Variants in LANCL2 observed in about 807,000 individuals in gnomAD.
LANCL2 encodes the protein LanC like glutathione S-transferase 2.
In LANCL2, 33 loss-of-function variants were observed where a neutral mutation model predicts 56.9. The ratio of observed to expected loss-of-function variants is 0.58; its 90% CI spans 0.44 to 0.78. LANCL2 has a LOEUF of 0.78. Among genes scored for constraint, LANCL2 ranks in the 30% least tolerant of loss-of-function variants. LANCL2 has a pLI of 0.00. For missense variants in LANCL2, 562 were observed against 580.2 expected (o/e 0.97, Z 0.32); for synonymous variants, 233 against 228.2 (o/e 1.02, Z -0.19).
At position 55,380,758 on chromosome 7, in the gene LANCL2, G is replaced by A. The variant is rs142826274; in HGVS notation, c.205-11035G>A. On this transcript the variant is annotated intron_variant, in intron 1 of 8. Coordinates refer to ENST00000254770, the MANE Select transcript of LANCL2 (RefSeq NM_018697.4). ...GGTTCTGTAGAGCGTGTTACAGTGC[G>A]TGATTGGAGAAGGAGGGAGGTTCTG... Among the ~76,000 whole-genome samples the A allele has an allele frequency of 3.2e-3, 485 of 151,684 alleles. 2 individuals are homozygous for A. Among genetic ancestry groups the A allele is most frequent in the African/African-American group, 0.011 (469 of 41,360 alleles).
chr7:55,430,311 A>G (rs1463249568), intron 8 of LANCL2, among the ~76,000 whole-genome samples: 1 of 152,242 alleles, frequency 6.6e-6, no homozygotes, highest in African/African-American at 2.4e-5. Context: ...GGGGCCAACT[A>G]TGAACAGGCA....
At position 55,412,015 on chromosome 7, in the gene LANCL2, A is replaced by G. The variant is rs1790476041; in HGVS notation, c.934A>G (p.Asn312Asp). 1.2e-6 allele frequency: 2 copies of G among 1,614,124 alleles called. No individual in the cohort carries two copies. Among genetic ancestry groups the G allele is most frequent in the South Asian group, 1.1e-5 (1 of 91,090 alleles). ...TGGGAATTACCCATCATCATTAAGC[A>G]ATGAAACAGACCGGCTGGTGCACTG... is the stretch of plus-strand genomic sequence containing the variant. ...RSGNYPSSLS[N>D]ETDRLVHWCH... The change falls in exon 6 of 9, where the codon AAT (asparagine) becomes GAT (aspartate). Residue 312 changes from asparagine to aspartate, a missense_variant. This residue lies in a region of LANCL2 where 378 missense variants were observed against 468.4 expected (regional missense o/e 0.81). Transcript: ENST00000254770.
intron 4 of LANCL2, 27 bp downstream of exon 4, chr7:55,400,131 G>T: frequency 2.6e-6 from 4 of 1,534,558 alleles, no homozygotes; most frequent in Non-Finnish European, 3.5e-6. Flanking sequence ...GTAACTATGG[G>T]CGTCTCTACC....
intron 5 of LANCL2, among the ~76,000 whole-genome samples, chr7:55,401,564 T>TAAA (rs1212685088): frequency 9.3e-6 from 1 of 107,162 alleles, no homozygotes; most frequent in Non-Finnish European, 1.8e-5. Flanking sequence ...TTTTTTTTTT[T>TAAA]TTGATCATTC....
intron 6 of LANCL2, 119 bp from the exon 7 acceptor site, chr7:55,425,135 C>T: frequency 1.1e-6 from 1 of 917,186 alleles, no homozygotes; most frequent in Non-Finnish European, 1.6e-6. Flanking sequence ...GTTTTTCACC[C>T]CCAGTGCCAT....
At chr7:55,407,697 C>G (rs1790425107) in intron 5 of LANCL2, among the ~76,000 whole-genome samples, 2 of 152,262 alleles carry the variant, frequency 1.3e-5, no homozygotes, top group Non-Finnish European at 2.9e-5. Context: ...CTCCAGCACT[C>G]TGCTTTCAGA....
intron 7 of LANCL2, among the ~76,000 whole-genome samples, chr7:55,427,839 A>G (rs976285666): frequency 6.6e-6 from 1 of 152,192 alleles, no homozygotes; most frequent in African/African-American, 2.4e-5. Context: ...AGGGTCAAGG[A>G]GCTCAGAGGA....
At chr7:55,382,830 G>C (rs1272599936) in intron 1 of LANCL2, among the ~76,000 whole-genome samples, 1 of 152,206 alleles carries the variant, frequency 6.6e-6, no homozygotes, top group East Asian at 1.9e-4. Flanking sequence ...GCCTGTGGTT[G>C]CATGACTCCT....
chr7:55,374,195 GC>G (rs139048642), intron 1 of LANCL2, among the ~76,000 whole-genome samples: 7,704 of 152,132 alleles, frequency 0.051, 655 homozygotes, highest in African/African-American at 0.17. Context: ...GTTCTTTATT[GC>G]AATTGTAAAC....
chr7:55,369,523 C>T (rs1789913752), intron 1 of LANCL2, among the ~76,000 whole-genome samples: 1 of 152,144 alleles, frequency 6.6e-6, no homozygotes, highest in Non-Finnish European at 1.5e-5. Context: ...TTATGAAAAG[C>T]AGTGAACCAG....
chr7:55,421,013 T>G (rs1790602282), intron 6 of LANCL2, among the ~76,000 whole-genome samples: 1 of 152,232 alleles, frequency 6.6e-6, no homozygotes, highest in African/African-American at 2.4e-5. Flanking sequence ...GTAATATTCT[T>G]TATCTTGAAG....
intron 1 of LANCL2, among the ~76,000 whole-genome samples, chr7:55,373,014 C>T (rs1369857083): frequency 6.6e-6 from 1 of 152,138 alleles, no homozygotes; most frequent in Non-Finnish European, 1.5e-5. Context: ...GGGAATTCTA[C>T]CCACAGTAGA....
chr7:55,372,620 T>C (rs913495224), intron 1 of LANCL2, among the ~76,000 whole-genome samples: 2 of 152,198 alleles, frequency 1.3e-5, no homozygotes, highest in African/African-American at 4.8e-5. Flanking sequence ...TAGGTACACA[T>C]AGTTACTGAT....
chr7:55,397,900 A>G (rs1487248807), intron 2 of LANCL2, among the ~76,000 whole-genome samples: 3 of 152,152 alleles, frequency 2.0e-5, no homozygotes, highest in Non-Finnish European at 4.4e-5. Context: ...TTCACTCACC[A>G]GTTCATTGGT....
chr7:55,388,932 C>T (rs776140910), intron 1 of LANCL2, among the ~76,000 whole-genome samples: 1 of 152,176 alleles, frequency 6.6e-6, no homozygotes, highest in Non-Finnish European at 1.5e-5. Context: ...TGACCCTCTC[C>T]ACTGGTAGCA....
At chr7:55,414,828 AC>A (rs1416071951) in intron 6 of LANCL2, among the ~76,000 whole-genome samples, 1 of 151,510 alleles carries the variant, frequency 6.6e-6, no homozygotes, top group Non-Finnish European at 1.5e-5. Flanking sequence ...AAAAAAAAAT[AC>A]AAAAATTATC....
chr7:55,423,565 A>G (rs1329304062), intron 6 of LANCL2, among the ~76,000 whole-genome samples: 2 of 152,222 alleles, frequency 1.3e-5, no homozygotes, highest in African/African-American at 2.4e-5. Context: ...GACAGGATGA[A>G]GTGTGTGTGC....
At chr7:55,424,028 C>T (rs1790636105) in intron 6 of LANCL2, among the ~76,000 whole-genome samples, 1 of 152,176 alleles carries the variant, frequency 6.6e-6, no homozygotes, top group African/African-American at 2.4e-5. Context: ...GAGCCCTTCT[C>T]GGCTGAGTGT....
chr7:55,404,111 C>G lies in LANCL2; in HGVS notation c.825+2791C>G, dbSNP rs543614959. Among the ~76,000 whole-genome samples, 23 of 152,308 alleles carry G rather than the reference C, an allele frequency of 1.5e-4. No individual in the cohort carries two copies. In the Middle Eastern group the frequency reaches 0.014, roughly 90 times the overall value. ...ATAGAGTACTGACTCTTCTATCAGG[C>G]CAGTAGAGACCCCATAACTAAACAT... On this transcript the variant is annotated intron_variant, in intron 5 of 8. Coordinates refer to ENST00000254770, the MANE Select transcript of LANCL2 (RefSeq NM_018697.4).
Sources: allele counts gnomAD v4.1 joint callset (sites outside exome capture counted in the v4.1 genomes callset), GRCh38; gene constraint gnomAD v4.1.1; regional missense constraint gnomAD v4.1.1; transcripts MANE v1.5; gene names NCBI Gene and HGNC (gene_info 2026-07-23, HGNC 2026-07-21).